The following MCTP1 variants were observed in gnomAD, a reference collection of about 807,000 sequenced individuals.
MCTP1 encodes the protein multiple C2 and transmembrane domain-containing protein 1.
A neutral mutation model predicts 120.6 loss-of-function variants in MCTP1; 69 were observed. That is an observed-to-expected ratio of 0.57 (90% CI 0.47 to 0.70). The LOEUF is 0.70. MCTP1 is among the 30% of genes least tolerant of loss of function. The pLI, the probability that MCTP1 is intolerant of heterozygous loss-of-function variation, is 0.00. For synonymous variants in MCTP1, 529 were observed against 493.1 expected (o/e 1.07, Z -0.96); for missense variants, 1,203 against 1,248.8 (o/e 0.96, Z 0.55).
At chr5:94,867,225 T>C (rs1368645729) in intron 17 of MCTP1, 15 of 1,417,622 alleles carry the variant, frequency 1.1e-5, no homozygotes, top group African/African-American at 1.5e-5. Context: ...AGATTTTTTT[T>C]CTAAAACTTA....
chr5:94,875,631 A>G (rs776564284), intron 12 of MCTP1, among the ~76,000 whole-genome samples: 18 of 150,730 alleles, frequency 1.2e-4, no homozygotes, highest in Admixed American at 4.7e-4. Flanking sequence ...TAGATTCTGG[A>G]TATATTTTGA....
intron 1 of MCTP1, among the ~76,000 whole-genome samples, chr5:95,079,465 A>C (rs1319008453): frequency 6.6e-6 from 1 of 152,176 alleles, no homozygotes; most frequent in Non-Finnish European, 1.5e-5. Context: ...CATAGACCAC[A>C]TGCTATCTCA....
intron 1 of MCTP1, among the ~76,000 whole-genome samples, chr5:95,185,009 T>C (rs1749043643): frequency 6.6e-6 from 1 of 152,214 alleles, no homozygotes; most frequent in Admixed American, 6.5e-5. Context: ...ATTTGAGTAA[T>C]GATAAAACTC....
chr5:94,867,330 T>C (rs1295509740), intron 17 of MCTP1: 20 of 1,533,064 alleles, frequency 1.3e-5, no homozygotes, highest in Admixed American at 2.0e-5. Flanking sequence ...CAAAGGGACG[T>C]AGACACTCTT....
At chr5:95,028,904 G>A (rs1839779570) in intron 1 of MCTP1, among the ~76,000 whole-genome samples, 1 of 152,178 alleles carries the variant, frequency 6.6e-6, no homozygotes, top group Non-Finnish European at 1.5e-5. Flanking sequence ...GCTCACGCCT[G>A]TAATCCCAGC....
rs192339315 is a variant in MCTP1, at chr5:95,128,964, C to T, written c.721-111480G>A. Among the ~76,000 whole-genome samples the T allele has an allele frequency of 5.3e-5, 8 of 152,118 alleles. No homozygotes were observed. In the East Asian group the frequency reaches 5.8e-4, roughly 11 times the overall value. On this transcript the variant is annotated intron_variant, in intron 1 of 22. Transcript: ENST00000515393. ...TTTAAGCAGCAAGAGGAATAAGAAA[C>T]GCCCCAAAAGAGACAAAGAAAAAAA...
intron 2 of MCTP1, among the ~76,000 whole-genome samples, chr5:94,976,020 A>G (rs1828013644): frequency 6.6e-6 from 1 of 152,120 alleles, no homozygotes; most frequent in South Asian, 2.1e-4. Context: ...GCATAATAAC[A>G]ACACAACCTA....
intron 1 of MCTP1, among the ~76,000 whole-genome samples, chr5:95,253,963 A>G (rs1467084565): frequency 6.6e-6 from 1 of 152,136 alleles, no homozygotes; most frequent in Non-Finnish European, 1.5e-5. Context: ...CCAGCAATAA[A>G]TTCCTAGATT....
chr5:95,042,034 A>C (rs1842442454), intron 1 of MCTP1, among the ~76,000 whole-genome samples: 1 of 152,180 alleles, frequency 6.6e-6, no homozygotes, highest in South Asian at 2.1e-4. Context: ...CAAAAGTCTG[A>C]AGACTTTGGA....
At chr5:95,213,806 G>A (rs570707376) in intron 1 of MCTP1, among the ~76,000 whole-genome samples, 184 of 152,382 alleles carry the variant, frequency 1.2e-3, no homozygotes, top group African/African-American at 4.2e-3. Flanking sequence ...AAATGGGCTA[G>A]CCATATGTAG....
At chr5:95,090,872 G>T (rs1339180392) in intron 1 of MCTP1, among the ~76,000 whole-genome samples, 1 of 152,082 alleles carries the variant, frequency 6.6e-6, no homozygotes, top group African/African-American at 2.4e-5. Flanking sequence ...TATTAACAAA[G>T]TCATTGAGCC....
chr5:95,227,080 G>A (rs1257055544), intron 1 of MCTP1, among the ~76,000 whole-genome samples: 1 of 152,024 alleles, frequency 6.6e-6, no homozygotes, highest in Non-Finnish European at 1.5e-5. Flanking sequence ...AAGCCTTGGA[G>A]GCCACCGAGG....
intron 1 of MCTP1, among the ~76,000 whole-genome samples, chr5:95,030,498 C>G (rs533674902): frequency 2.0e-5 from 3 of 152,246 alleles, no homozygotes; most frequent in African/African-American, 7.2e-5. Flanking sequence ...GCTCATGCAT[C>G]CAATACACCA....
At chr5:95,107,291 G>A (rs898897223) in intron 1 of MCTP1, among the ~76,000 whole-genome samples, 3 of 151,968 alleles carry the variant, frequency 2.0e-5, no homozygotes, top group East Asian at 1.9e-4. Context: ...ATAATGAATC[G>A]GGTACTCTGG....
chr5:95,057,158 G>A (rs1270652389), intron 1 of MCTP1, among the ~76,000 whole-genome samples: 2 of 151,686 alleles, frequency 1.3e-5, no homozygotes, highest in Non-Finnish European at 2.9e-5. Flanking sequence ...TATAGAGAAT[G>A]GAAACAGAGG....
At chr5:95,039,719 T>A (rs1275146815) in intron 1 of MCTP1, among the ~76,000 whole-genome samples, 1 of 151,924 alleles carries the variant, frequency 6.6e-6, no homozygotes, top group African/African-American at 2.4e-5. Context: ...ATAGATAAAA[T>A]GTAAGTCCCA....
At chr5:95,084,702 TC>T (rs1360577732) in intron 1 of MCTP1, among the ~76,000 whole-genome samples, 2 of 152,130 alleles carry the variant, frequency 1.3e-5, no homozygotes, top group African/African-American at 4.8e-5. Context: ...TTTATTAACA[TC>T]TCATTGAAAC....
chr5:95,047,324 C>A (rs574698754), intron 1 of MCTP1, among the ~76,000 whole-genome samples: 1 of 152,114 alleles, frequency 6.6e-6, no homozygotes, highest in South Asian at 2.1e-4. Context: ...GAGCACTGAG[C>A]AGGCACCATG....
intron 1 of MCTP1, among the ~76,000 whole-genome samples, chr5:95,253,066 A>G (rs1281170587): frequency 6.6e-6 from 1 of 152,156 alleles, no homozygotes; most frequent in Non-Finnish European, 1.5e-5. Context: ...AATGCTGTCT[A>G]ACATAAATCA....
Sources: allele counts gnomAD v4.1 joint callset (sites outside exome capture counted in the v4.1 genomes callset), GRCh38; gene constraint gnomAD v4.1.1; transcripts MANE v1.5; gene names NCBI Gene and HGNC (gene_info 2026-07-23, HGNC 2026-07-21).